Variants in ERBB4 observed in about 807,000 individuals in gnomAD.
ERBB4 encodes the protein receptor tyrosine-protein kinase erbB-4.
A neutral mutation model predicts 158.0 loss-of-function variants in ERBB4; 42 were observed. The observed-to-expected ratio is 0.27, with a 90% CI of 0.21 to 0.34. The LOEUF is 0.34. Among genes scored for constraint, ERBB4 ranks in the 10% least tolerant of loss-of-function variants. The probability of loss-of-function intolerance (pLI) is 1.00; values close to 1 mark genes in which losing one functional copy is unlikely to be tolerated. For missense variants in ERBB4, 1,333 were observed against 1,624.1 expected, an observed-to-expected ratio of 0.82 and a Z score of 3.08; for synonymous variants, 583 against 558.7, an observed-to-expected ratio of 1.04 and a Z score of -0.61.
At chr2:211,869,231 T>C (rs1290815835) in intron 3 of ERBB4, among the ~76,000 whole-genome samples, 1 of 152,224 alleles carries the variant, frequency 6.6e-6, no homozygotes, top group Non-Finnish European at 1.5e-5. Flanking sequence ...TGAAGCCAGA[T>C]GGCCTGCAGT....
intron 2 of ERBB4, among the ~76,000 whole-genome samples, chr2:211,959,663 A>C (rs894646716): frequency 6.6e-6 from 1 of 152,096 alleles, no homozygotes; most frequent in African/African-American, 2.4e-5. Context: ...AGTACCTTCT[A>C]AGGCTGCATA....
intron 3 of ERBB4, among the ~76,000 whole-genome samples, chr2:211,884,840 C>CT (rs1416730692): frequency 3.3e-5 from 5 of 152,018 alleles, no homozygotes; most frequent in African/African-American, 1.2e-4. Context: ...TATTTCACTT[C>CT]TTTTTTTGGC....
At chr2:211,937,882 A>G (rs1002009487) in intron 3 of ERBB4, among the ~76,000 whole-genome samples, 4 of 152,132 alleles carry the variant, frequency 2.6e-5, no homozygotes, top group Non-Finnish European at 4.4e-5. Flanking sequence ...TCTAATTTCA[A>G]CAGATACTTA....
At chr2:212,028,689 GTGCCCTTTC>G (rs2125343229) in intron 2 of ERBB4, among the ~76,000 whole-genome samples, 1 of 152,118 alleles carries the variant, frequency 6.6e-6, no homozygotes, top group South Asian at 2.1e-4. Flanking sequence ...TCCCCAATTT[GTGCCCTTTC>G]TGCCCTTTTC....
chr2:212,111,357 A>T (rs1419750036), intron 2 of ERBB4, among the ~76,000 whole-genome samples: 2 of 152,176 alleles, frequency 1.3e-5, no homozygotes, highest in East Asian at 3.9e-4. Context: ...CATACAAGTA[A>T]ATTCCTCCAA....
chr2:212,321,740 G>A (rs1260346789), intron 1 of ERBB4, among the ~76,000 whole-genome samples: 1 of 149,958 alleles, frequency 6.7e-6, no homozygotes, highest in Admixed American at 6.7e-5. Context: ...CTGTATCTTT[G>A]CTAATAGCTA....
chr2:212,426,340 G>T (rs754711997), intron 1 of ERBB4: 5 of 445,054 alleles, frequency 1.1e-5, no homozygotes, highest in Non-Finnish European at 1.8e-5. Context: ...AATTATGTTC[G>T]CACCAACCTA....
At chr2:212,121,042 A>G (rs375810807) in intron 2 of ERBB4, among the ~76,000 whole-genome samples, 17 of 152,354 alleles carry the variant, frequency 1.1e-4, no homozygotes, top group African/African-American at 3.6e-4. Context: ...GAAATTTTAT[A>G]TTAAATGGAG....
intron 1 of ERBB4, among the ~76,000 whole-genome samples, chr2:212,182,974 G>A (rs1419535362): frequency 1.3e-5 from 2 of 151,044 alleles, no homozygotes; most frequent in Non-Finnish European, 3.0e-5. Context: ...TCATGATTTT[G>A]GTCACACAAC....
intron 20 of ERBB4, among the ~76,000 whole-genome samples, chr2:211,538,609 T>A (rs2066717423): frequency 6.6e-6 from 1 of 151,916 alleles, no homozygotes; most frequent in Non-Finnish European, 1.5e-5. Context: ...GAATTAAGTA[T>A]AATGCTGTAT....
intron 3 of ERBB4, among the ~76,000 whole-genome samples, chr2:211,927,069 A>T (rs2080037907): frequency 6.6e-6 from 1 of 152,224 alleles, no homozygotes. Flanking sequence ...CAGAGGCTTT[A>T]AGCTAAATGG....
intron 3 of ERBB4, among the ~76,000 whole-genome samples, chr2:211,941,332 T>C (rs1172691838): frequency 6.6e-6 from 1 of 152,098 alleles, no homozygotes; most frequent in Non-Finnish European, 1.5e-5. Context: ...GTAGTACTTT[T>C]GTTAAACATT....
intron 4 of ERBB4, among the ~76,000 whole-genome samples, chr2:211,766,598 T>C (rs997473282): frequency 6.6e-6 from 1 of 152,220 alleles, no homozygotes; most frequent in South Asian, 2.1e-4. Flanking sequence ...TTCTATTTAA[T>C]TGTGAAACTG....
Position 211,678,568 on chromosome 2 carries a change from A to T in ERBB4, c.1622+484T>A, listed in dbSNP as rs538119987. ...ATTTGAACTCATAATTTCAAATAAAATTATTTTTCCTTAAAAGAATTCGTC... is the reference window on the plus strand; with the variant it reads ...ATTTGAACTCATAATTTCAAATAAATTTATTTTTCCTTAAAAGAATTCGTC... On this transcript the variant is annotated intron_variant, in intron 13 of 27. Coordinates refer to ENST00000342788, the MANE Select transcript of ERBB4 (RefSeq NM_005235.3). Among the ~76,000 whole-genome samples the T allele has an allele frequency of 1.2e-4, 19 of 152,352 alleles. No individual in the cohort carries two copies. In the East Asian group the frequency reaches 3.7e-3, roughly 29 times the overall value.
chr2:211,803,262 A>AT (rs1164263690), intron 3 of ERBB4, among the ~76,000 whole-genome samples: 2 of 152,196 alleles, frequency 1.3e-5, no homozygotes, highest in Admixed American at 1.3e-4. Flanking sequence ...TTTTCAATAG[A>AT]TTTTAAAAGG....
chr2:212,286,853 C>A (rs922743288), intron 1 of ERBB4, among the ~76,000 whole-genome samples: 1 of 139,372 alleles, frequency 7.2e-6, no homozygotes, highest in South Asian at 2.3e-4. Context: ...TCAAGCGATC[C>A]GCCAGCCTCT....
intron 20 of ERBB4, among the ~76,000 whole-genome samples, chr2:211,516,034 C>T (rs1386034889): frequency 6.7e-6 from 1 of 149,438 alleles, no homozygotes; most frequent in Non-Finnish European, 1.5e-5. Flanking sequence ...CCTGCCTCAG[C>T]CTCCTGAGTA....
At chr2:212,384,496 A>C (rs1406715763) in intron 1 of ERBB4, among the ~76,000 whole-genome samples, 2 of 151,674 alleles carry the variant, frequency 1.3e-5, no homozygotes, top group African/African-American at 2.4e-5. Context: ...CAAAGAGACA[A>C]ATTCCTGAAA....
intron 2 of ERBB4, among the ~76,000 whole-genome samples, chr2:212,045,782 G>A (rs1361578357): frequency 7.2e-5 from 11 of 152,172 alleles, no homozygotes; most frequent in Non-Finnish European, 1.5e-4. Flanking sequence ...AAAGTAGTCT[G>A]CTGAAATAAC....
Sources: gnomAD v4.1 joint callset for allele counts (sites outside exome capture counted in the v4.1 genomes callset) on GRCh38, gnomAD v4.1.1 for gene constraint, MANE v1.5 for transcripts, NCBI Gene and HGNC (gene_info 2026-07-23, HGNC 2026-07-21) for gene names.